ALK: variants seen among roughly 807,000 people sequenced by gnomAD.
ALK encodes the protein ALK tyrosine kinase receptor.
ALK carries 74 observed loss-of-function variants against 163.1 expected under a neutral mutation model. The ratio of observed to expected loss-of-function variants is 0.45; its 90% CI spans 0.38 to 0.55. The LOEUF (loss-of-function observed/expected upper bound fraction) is 0.55. Among genes scored for constraint, ALK ranks in the 20% least tolerant of loss-of-function variants. The pLI, the probability that ALK is intolerant of heterozygous loss-of-function variation, is 0.00. For missense variants in ALK, 2,063 were observed against 2,105.3 expected (o/e 0.98, Z 0.39); for synonymous variants, 960 against 843.2 (o/e 1.14, Z -2.40).
intron 4 of ALK, among the ~76,000 whole-genome samples, chr2:29,496,323 T>C (rs1229234672): frequency 6.6e-6 from 1 of 152,192 alleles, no homozygotes; most frequent in Non-Finnish European, 1.5e-5. Context: ...CACAACTCAC[T>C]CACTTTTTCA....
chr2:29,798,845 A>AG (rs2148362689), intron 1 of ALK, among the ~76,000 whole-genome samples: 1 of 152,344 alleles, frequency 6.6e-6, no homozygotes, highest in African/African-American at 2.4e-5. Context: ...GGGGAAAAAA[A>AG]AGAGAGGGAG....
intron 2 of ALK, among the ~76,000 whole-genome samples, chr2:29,701,484 C>T (rs1485897031): frequency 1.3e-5 from 2 of 152,190 alleles, no homozygotes; most frequent in African/African-American, 2.4e-5. Context: ...GAAGCAAATA[C>T]TGCAGAATGA....
intron 3 of ALK, among the ~76,000 whole-genome samples, chr2:29,598,050 C>T (rs897851721): frequency 5.9e-5 from 9 of 152,198 alleles, no homozygotes; most frequent in African/African-American, 2.2e-4. Context: ...TTTTTGGAGT[C>T]AGAGTATCAC....
At chr2:29,387,401 T>C (rs1487336416) in intron 4 of ALK, among the ~76,000 whole-genome samples, 1 of 152,106 alleles carries the variant, frequency 6.6e-6, no homozygotes, top group African/African-American at 2.4e-5. Context: ...ATGAGTATGT[T>C]AGAGTCCATC....
chr2:29,482,229 C>T (rs993664757), intron 4 of ALK, among the ~76,000 whole-genome samples: 66 of 152,208 alleles, frequency 4.3e-4, no homozygotes, highest in African/African-American at 1.5e-3. Flanking sequence ...TCAAGCTGGT[C>T]AGGATGGGAT....
intron 4 of ALK, among the ~76,000 whole-genome samples, chr2:29,469,067 C>G (rs1671284498): frequency 6.6e-6 from 1 of 152,054 alleles, no homozygotes; most frequent in East Asian, 1.9e-4. Context: ...ATGGCACAGG[C>G]TGAAGGCTGA....
At chr2:29,247,692 GC>G (rs574720005) in intron 12 of ALK, among the ~76,000 whole-genome samples, 1 of 152,090 alleles carries the variant, frequency 6.6e-6, no homozygotes, top group African/African-American at 2.4e-5. Flanking sequence ...GGCAATGGTG[GC>G]CCCCCCTTGG....
At chr2:29,797,385 C>T (rs1664346766) in intron 1 of ALK, among the ~76,000 whole-genome samples, 1 of 152,220 alleles carries the variant, frequency 6.6e-6, no homozygotes, top group Admixed American at 6.5e-5. Flanking sequence ...CTCCTTGAAG[C>T]ATCCTCTAAT....
In ALK at chr2:29,240,924, A is replaced by G. The variant is rs148985970; in HGVS notation, c.2205-1094T>C. Among the ~76,000 whole-genome samples the G allele has an allele frequency of 9.8e-4, 149 of 152,354 alleles. 1 individual carries two copies. The highest frequency in any genetic ancestry group is 3.5e-3 in the African/African-American group (144 of 41,578). On this transcript the variant is annotated intron_variant, in intron 12 of 28. Coordinates refer to ENST00000389048, the MANE Select transcript of ALK (RefSeq NM_004304.5). The stretch of plus-strand genomic sequence containing the variant: ...GCAAGGCAGTTTTGCCCATGTGCAC[A>G]TAGTAGCTCCTTTATCTACAGTTCC...
intron 1 of ALK, among the ~76,000 whole-genome samples, chr2:29,729,087 G>A (rs540504342): frequency 1.2e-4 from 19 of 152,208 alleles, no homozygotes; most frequent in Non-Finnish European, 2.2e-4. Context: ...CTTTCCTGCA[G>A]GGAAGAGGCC....
chr2:29,552,745 A>G (rs1230005794), intron 3 of ALK, among the ~76,000 whole-genome samples: 1 of 152,226 alleles, frequency 6.6e-6, no homozygotes, highest in Admixed American at 6.5e-5. Flanking sequence ...AACAAACCAC[A>G]GTGACTTTTG....
At chr2:29,252,688 CATTT>C (rs575329447) in intron 11 of ALK, among the ~76,000 whole-genome samples, 2 of 151,708 alleles carry the variant, frequency 1.3e-5, no homozygotes, top group Non-Finnish European at 1.5e-5. Flanking sequence ...TTCTGGGCTT[CATTT>C]ATTTATTTAT....
chr2:29,617,328 C>G (rs1675874221), intron 3 of ALK, among the ~76,000 whole-genome samples: 3 of 152,204 alleles, frequency 2.0e-5, no homozygotes, highest in Admixed American at 6.5e-5. Flanking sequence ...CATCAGGAAT[C>G]ATTTAGTGGT....
intron 1 of ALK, among the ~76,000 whole-genome samples, chr2:29,889,368 G>T (rs1314072377): frequency 6.6e-6 from 1 of 151,922 alleles, no homozygotes; most frequent in Non-Finnish European, 1.5e-5. Context: ...TTTAAGGAAT[G>T]ATACCATTCA....
At chr2:29,524,933 T>G (rs1030476671) in intron 4 of ALK, among the ~76,000 whole-genome samples, 3 of 151,658 alleles carry the variant, frequency 2.0e-5, no homozygotes, top group African/African-American at 7.3e-5. Context: ...GATGTATGGA[T>G]GGATAATGGA....
chr2:29,797,003 C>CAA (rs1005950708), intron 1 of ALK, among the ~76,000 whole-genome samples: 7 of 132,650 alleles, frequency 5.3e-5, no homozygotes, highest in South Asian at 5.0e-4. Context: ...CGCACACCCA[C>CAA]ACACACACAC....
intron 4 of ALK, among the ~76,000 whole-genome samples, chr2:29,488,929 G>A (rs899167060): frequency 7.2e-5 from 11 of 152,150 alleles, no homozygotes; most frequent in Non-Finnish European, 1.5e-4. Flanking sequence ...GTAATCACTG[G>A]GGGAGGGAAT....
intron 3 of ALK, among the ~76,000 whole-genome samples, chr2:29,625,701 C>T (rs929122314): frequency 9.9e-5 from 15 of 152,238 alleles, no homozygotes; most frequent in African/African-American, 3.4e-4. Flanking sequence ...GCTGCAAATA[C>T]GTGAATCCAC....
At chr2:29,301,265 C>T (rs1037209572) in intron 8 of ALK, among the ~76,000 whole-genome samples, 15 of 152,246 alleles carry the variant, frequency 9.9e-5, no homozygotes, top group South Asian at 8.3e-4. Context: ...TTCAGGAGGC[C>T]TTTTTCTTTT....
Sources: allele counts gnomAD v4.1 joint callset (sites outside exome capture counted in the v4.1 genomes callset), GRCh38; gene constraint gnomAD v4.1.1; transcripts MANE v1.5; gene names NCBI Gene and HGNC (gene_info 2026-07-23, HGNC 2026-07-21).